The following RETREG1 variants were observed in gnomAD, a reference collection of about 807,000 sequenced individuals.
RETREG1 encodes the protein family with sequence similarity 134 member B.
In RETREG1, 44 loss-of-function variants were observed where a neutral mutation model predicts 54.8. The ratio of observed to expected loss-of-function variants is 0.80; its 90% CI spans 0.63 to 1.03. The LOEUF is 1.03. Among genes scored for constraint, RETREG1 ranks in the 50% least tolerant of loss-of-function variants. The pLI, the probability that RETREG1 is intolerant of heterozygous loss-of-function variation, is 0.00. For missense variants in RETREG1, 554 were observed against 605.1 expected (o/e 0.92, Z 0.89); for synonymous variants, 217 against 238.5 (o/e 0.91, Z 0.83).
intron 3 of RETREG1, among the ~76,000 whole-genome samples, chr5:16,543,354 G>A (rs1035712963): frequency 1.3e-5 from 2 of 152,022 alleles, no homozygotes; most frequent in African/African-American, 2.4e-5. Flanking sequence ...GAATCACATG[G>A]TAGTTGTATA....
At chr5:16,605,704 G>A (rs565708028) in intron 1 of RETREG1, among the ~76,000 whole-genome samples, 1 of 152,224 alleles carries the variant, frequency 6.6e-6, no homozygotes, top group African/African-American at 2.4e-5. Flanking sequence ...GGGCTGGGAA[G>A]TTCAAGATCA....
Position 16,616,870 on chromosome 5 carries a change from G to A in RETREG1, c.102C>T (p.Pro34=), listed in dbSNP as rs762877884. Residue 34 remains proline, a synonymous_variant, in exon 1 of 9, where the codon CCC becomes CCT. Coordinates refer to ENST00000306320, the MANE Select transcript of RETREG1 (RefSeq NM_001034850.3). ...PPSPPPPQAS[P]AERQQQEEEA... ...CCTCCTCCTGCTGCTGCCGCTCTGC[G>A]GGGGATGCCTGGGGCGGTGGCGGCG... 14 of 1,501,354 alleles carry A rather than the reference G, an allele frequency of 9.3e-6. No homozygotes were observed. The highest frequency in any genetic ancestry group is 2.7e-5 in the East Asian group (1 of 36,606). The allele number at this position is 1,501,354 out of a possible 1,614,324, so 93.0% of individuals were successfully genotyped here. A position where few individuals can be genotyped will look rare whatever the true frequency, so the allele number is the denominator to read the frequency against.
At position 16,473,466 on chromosome 5, in the gene RETREG1, G is replaced by T. The variant is rs1198284750; in HGVS notation, c.*1275C>A. On this transcript the variant is annotated 3_prime_UTR_variant, in exon 9 of 9. Coordinates refer to ENST00000306320, the MANE Select transcript of RETREG1 (RefSeq NM_001034850.3). ...AGAACACAGATTTCCTATATTCTTG[G>T]ATTATCCTTCCTTTCTGAGGGTCTC... 6.6e-6 allele frequency: 1 copy of T among 152,560 alleles called. No homozygotes were observed. The highest frequency in any genetic ancestry group is 2.4e-5 in the African/African-American group (1 of 41,446). 9.5% of individuals were successfully genotyped at this position (152,560 alleles called of 1,614,324 possible). A position where few individuals can be genotyped will look rare whatever the true frequency, so the allele number is the denominator to read the frequency against.
chr5:16,549,677 A>G (rs553341795), intron 3 of RETREG1, among the ~76,000 whole-genome samples: 3 of 152,354 alleles, frequency 2.0e-5, no homozygotes, highest in African/African-American at 7.2e-5. Flanking sequence ...CAGGGGAACA[A>G]AAGTATTTAA....
In RETREG1 at chr5:16,488,624, C is replaced by G. The variant is rs114930430; in HGVS notation, c.459-5152G>C. 6.6e-3 allele frequency among the ~76,000 whole-genome samples: 1,011 copies of G among 152,268 alleles called. 8 individuals are homozygous for G. The highest frequency in any genetic ancestry group is 0.023 in the African/African-American group (944 of 41,560). On this transcript the variant is annotated intron_variant, in intron 3 of 8. Transcript: ENST00000306320. ...GCCAGGAAAGAGCCATCAGAAAGGA[C>G]TAGAAGGAACAGTGTCTTTGGCCAA...
chr5:16,477,542 G>A, intron 8 of RETREG1, 120 bp downstream of exon 8: 2 of 958,892 alleles, frequency 2.1e-6, no homozygotes, highest in South Asian at 2.9e-5. Flanking sequence ...TTATAGCCAA[G>A]TAATATTCTA....
At chr5:16,541,177 A>T (rs1741231620) in intron 3 of RETREG1, among the ~76,000 whole-genome samples, 1 of 152,232 alleles carries the variant, frequency 6.6e-6, no homozygotes, top group Non-Finnish European at 1.5e-5. Context: ...GGACCAAAAG[A>T]CAGGGTCTTT....
chr5:16,606,139 C>A (rs1051995953), intron 1 of RETREG1, among the ~76,000 whole-genome samples: 5 of 152,130 alleles, frequency 3.3e-5, no homozygotes, highest in Non-Finnish European at 7.3e-5. Context: ...AAGAGAGTGT[C>A]CTCCCCTTCG....
intron 3 of RETREG1, among the ~76,000 whole-genome samples, chr5:16,541,199 T>C (rs1741232988): frequency 6.6e-6 from 1 of 152,184 alleles, no homozygotes; most frequent in Admixed American, 6.5e-5. Context: ...GGGAAATGAT[T>C]CAATCATGAG....
chr5:16,490,259 T>C (rs1739191938), intron 3 of RETREG1, among the ~76,000 whole-genome samples: 1 of 152,204 alleles, frequency 6.6e-6, no homozygotes, highest in African/African-American at 2.4e-5. Context: ...TAAGCTGGTT[T>C]CTGGCATTTG....
At chr5:16,517,524 C>T (rs1446448846) in intron 3 of RETREG1, among the ~76,000 whole-genome samples, 1 of 152,176 alleles carries the variant, frequency 6.6e-6, no homozygotes, top group Non-Finnish European at 1.5e-5. Context: ...GAGGCAGACA[C>T]ATGGAAGCTA....
intron 3 of RETREG1, among the ~76,000 whole-genome samples, chr5:16,523,255 G>T (rs338334): frequency 6.6e-6 from 1 of 151,930 alleles, no homozygotes; most frequent in South Asian, 2.1e-4. Context: ...GTTTTGTTTT[G>T]TTTTTTTCTT....
intron 3 of RETREG1, among the ~76,000 whole-genome samples, chr5:16,531,810 C>T (rs1048131584): frequency 6.6e-6 from 1 of 152,156 alleles, no homozygotes; most frequent in African/African-American, 2.4e-5. Flanking sequence ...AACAAATTAG[C>T]CTGTGACCAT....
intron 1 of RETREG1, among the ~76,000 whole-genome samples, chr5:16,573,655 A>G (rs948061665): frequency 1.1e-4 from 17 of 149,776 alleles, no homozygotes; most frequent in Admixed American, 8.0e-4. Flanking sequence ...GAACAAGGAG[A>G]GGCACAGGGA....
chr5:16,486,356 G>C (rs1739019359), intron 3 of RETREG1, among the ~76,000 whole-genome samples: 2 of 152,192 alleles, frequency 1.3e-5, no homozygotes, highest in African/African-American at 4.8e-5. Flanking sequence ...CTCCCTGGGA[G>C]TTTAACAATA....
In RETREG1 at chr5:16,562,272, G is replaced by A. The variant is rs183107066; in HGVS notation, c.458+3491C>T. Among the ~76,000 whole-genome samples the A allele has an allele frequency of 2.1e-3, 321 of 152,228 alleles. 1 individual carries two copies. Among genetic ancestry groups the A allele is most frequent in the Non-Finnish European group, 3.1e-3 (210 of 68,010 alleles). On this transcript the variant is annotated intron_variant, in intron 3 of 8. Transcript: ENST00000306320. Reference sequence around the variant, plus strand: ...GGAGGTTGCAGTGAGCTGAGATCGCGCCATTGCACTCCAGCCTGGGCAACA... The same window carrying A: ...GGAGGTTGCAGTGAGCTGAGATCGCACCATTGCACTCCAGCCTGGGCAACA...
At chr5:16,566,941 T>C (rs1742028902) in intron 2 of RETREG1, among the ~76,000 whole-genome samples, 1 of 152,378 alleles carries the variant, frequency 6.6e-6, no homozygotes, top group South Asian at 2.1e-4. Flanking sequence ...TTGGAAAGCA[T>C]CAGCTCAGCT....
Position 16,498,976 on chromosome 5 carries a change from A to C in RETREG1, c.459-15504T>G, listed in dbSNP as rs1429373546. ...TTTTTTTAAAGTTTTTGACTCTTGT[A>C]ATAACGCTTACCCTAAAACACACAT... On this transcript the variant is annotated intron_variant, in intron 3 of 8. Coordinates refer to ENST00000306320, the MANE Select transcript of RETREG1 (RefSeq NM_001034850.3). 2.0e-5 allele frequency among the ~76,000 whole-genome samples: 3 copies of C among 152,102 alleles called. No individual in the cohort carries two copies. The South Asian group carries it at 6.2e-4, about 31-fold the overall frequency.
chr5:16,569,780 A>C (rs1742122484), intron 2 of RETREG1, among the ~76,000 whole-genome samples: 1 of 152,320 alleles, frequency 6.6e-6, no homozygotes, highest in African/African-American at 2.4e-5. Context: ...AAGAAATGTG[A>C]GATGAGAAAA....
Sources: gnomAD v4.1 joint callset for allele counts (sites outside exome capture counted in the v4.1 genomes callset) on GRCh38, gnomAD v4.1.1 for gene constraint, MANE v1.5 for transcripts, NCBI Gene and HGNC (gene_info 2026-07-23, HGNC 2026-07-21) for gene names.